Variants in RASSF3 observed in about 807,000 individuals in gnomAD.
The protein encoded by RASSF3 is ras association domain-containing protein 3.
A neutral mutation model predicts 19.9 loss-of-function variants in RASSF3; 19 were observed. The observed-to-expected ratio is 0.96, with a 90% CI of 0.67 to 1.40. The LOEUF is 1.40. Ranked by LOEUF, RASSF3 falls within the 40% of genes most tolerant of loss-of-function variation. The probability of loss-of-function intolerance (pLI) is 0.00; values close to 1 mark genes in which losing one functional copy is unlikely to be tolerated. For missense variants in RASSF3, 306 were observed against 289.8 expected, an observed-to-expected ratio of 1.06 and a Z score of -0.41; for synonymous variants, 110 against 104.2, an observed-to-expected ratio of 1.06 and a Z score of -0.34.
intron 2 of RASSF3, among the ~76,000 whole-genome samples, chr12:64,585,921 G>A (rs1307912775): frequency 6.6e-6 from 1 of 152,142 alleles, no homozygotes; most frequent in Non-Finnish European, 1.5e-5. Context: ...TTTAACAATT[G>A]TTATAGTAGA....
intron 2 of RASSF3, among the ~76,000 whole-genome samples, chr12:64,557,727 G>A (rs2136124004): frequency 6.6e-6 from 1 of 152,158 alleles, no homozygotes; most frequent in South Asian, 2.1e-4. Flanking sequence ...TCCTCATCCT[G>A]AAGATGGCAC....
At chr12:64,667,103 G>T (rs1051498707) in intron 1 of RASSF3, among the ~76,000 whole-genome samples, 1 of 151,832 alleles carries the variant, frequency 6.6e-6, no homozygotes, top group African/African-American at 2.4e-5. Context: ...GAAATGGGGG[G>T]GTGTGGAGAA....
At chr12:64,557,527 G>A (rs950202110) in intron 2 of RASSF3, among the ~76,000 whole-genome samples, 37 of 152,122 alleles carry the variant, frequency 2.4e-4, no homozygotes, top group African/African-American at 8.7e-4. Context: ...TGGCAAAAGT[G>A]TACCCCCTTT....
chr12:64,572,175 T>C (rs962083220), intron 2 of RASSF3, among the ~76,000 whole-genome samples: 8 of 152,278 alleles, frequency 5.3e-5, no homozygotes, highest in African/African-American at 1.9e-4. Flanking sequence ...AGCTGAATCG[T>C]GTTCCCCCAA....
chr12:64,634,103 A>AGCCT (rs1440916983), intron 1 of RASSF3, among the ~76,000 whole-genome samples: 3 of 152,186 alleles, frequency 2.0e-5, no homozygotes, highest in Non-Finnish European at 2.9e-5. Flanking sequence ...ACTGCACTCC[A>AGCCT]GCCTGGGTGA....
At chr12:64,666,435 G>A (rs1245181864) in intron 1 of RASSF3, among the ~76,000 whole-genome samples, 2 of 152,104 alleles carry the variant, frequency 1.3e-5, no homozygotes, top group African/African-American at 4.8e-5. Context: ...ATACCCTTTG[G>A]TAGCGTGCTC....
intron 2 of RASSF3, among the ~76,000 whole-genome samples, chr12:64,552,441 A>T (rs1869181060): frequency 6.6e-6 from 1 of 152,118 alleles, no homozygotes; most frequent in African/African-American, 2.4e-5. Context: ...GATGTGTGCC[A>T]TGGCAGTTTG....
At chr12:64,583,962 G>A (rs1231454855) in intron 2 of RASSF3, among the ~76,000 whole-genome samples, 1 of 152,174 alleles carries the variant, frequency 6.6e-6, no homozygotes, top group East Asian at 1.9e-4. Flanking sequence ...CTTAAATGTA[G>A]CTGCACAGCT....
At chr12:64,568,661 C>T (rs1869471042) in intron 2 of RASSF3, among the ~76,000 whole-genome samples, 1 of 152,044 alleles carries the variant, frequency 6.6e-6, no homozygotes, top group Non-Finnish European at 1.5e-5. Flanking sequence ...GTATCTTCTT[C>T]TCATTCACCC....
At chr12:64,643,929 A>G (rs1242192618) in intron 1 of RASSF3, among the ~76,000 whole-genome samples, 1 of 152,000 alleles carries the variant, frequency 6.6e-6, no homozygotes, top group Admixed American at 6.5e-5. Flanking sequence ...TCGAAAATAT[A>G]CTTTTCATAC....
At chr12:64,528,332 T>C (rs1232892254), upstream of RASSF3, among the ~76,000 whole-genome samples, 1 of 152,176 alleles carries the variant, frequency 6.6e-6, no homozygotes, top group African/African-American at 2.4e-5. Context: ...AAAATGTTGA[T>C]TTTAGGTACC....
chr12:64,563,898 T>C (rs1869387428), intron 2 of RASSF3, among the ~76,000 whole-genome samples: 1 of 152,154 alleles, frequency 6.6e-6, no homozygotes, highest in African/African-American at 2.4e-5. Context: ...AACATCATTT[T>C]ATTTATTTCT....
chr12:64,524,356 C>T (rs765482042), intron 1 of RASSF3, among the ~76,000 whole-genome samples: 2 of 151,682 alleles, frequency 1.3e-5, no homozygotes, highest in Non-Finnish European at 2.9e-5. Flanking sequence ...CAAAGTGCTA[C>T]GATTATAGGC....
intron 2 of RASSF3, among the ~76,000 whole-genome samples, chr12:64,578,999 T>C (rs1428746289): frequency 6.6e-6 from 1 of 152,072 alleles, no homozygotes; most frequent in Non-Finnish European, 1.5e-5. Context: ...TGGTGGCGCA[T>C]GCCTGTAATC....
chr12:64,632,260 A>G lies in RASSF3; in HGVS notation c.111+21517A>G, dbSNP rs74740603. On this transcript the variant is annotated intron_variant, in intron 1 of 4. Coordinates refer to ENST00000542104, the MANE Select transcript of RASSF3 (RefSeq NM_178169.4). ...TGGCTGCAGCAAAGGTTGCCACGCC[A>G]AAGGTGTGGTGAAAAACTACGCTGG... Among the ~76,000 whole-genome samples the G allele has an allele frequency of 3.7e-3, 562 of 152,204 alleles. 3 individuals carry two copies. Among genetic ancestry groups the G allele is most frequent in the African/African-American group, 0.013 (540 of 41,518 alleles).
chr12:64,692,565 G>A (rs1232472506), intron 4 of RASSF3, among the ~76,000 whole-genome samples: 1 of 152,154 alleles, frequency 6.6e-6, no homozygotes, highest in Non-Finnish European at 1.5e-5. Context: ...TCATTTTGGG[G>A]AGAAGGCAGG....
intron 1 of RASSF3, among the ~76,000 whole-genome samples, chr12:64,535,861 A>G (rs747343490): frequency 1.2e-4 from 18 of 147,190 alleles, no homozygotes; most frequent in Non-Finnish European, 2.7e-4. Flanking sequence ...CTAATTTTGT[A>G]TTTTTAGTAG....
At chr12:64,660,185 T>G (rs1187450605) in intron 1 of RASSF3, among the ~76,000 whole-genome samples, 1 of 152,030 alleles carries the variant, frequency 6.6e-6, no homozygotes, top group Non-Finnish European at 1.5e-5. Flanking sequence ...CAAAAAGTGC[T>G]AGGATTACAA....
chr12:64,675,709 A>T (rs1872873489), intron 1 of RASSF3, among the ~76,000 whole-genome samples: 1 of 152,108 alleles, frequency 6.6e-6, no homozygotes, highest in Non-Finnish European at 1.5e-5. Flanking sequence ...ACAGTGATGC[A>T]TCTATTGCTA....
Sources: allele counts gnomAD v4.1 joint callset (sites outside exome capture counted in the v4.1 genomes callset), GRCh38; gene constraint gnomAD v4.1.1; transcripts MANE v1.5; gene names NCBI Gene and HGNC (gene_info 2026-07-23, HGNC 2026-07-21).